The following KLHL32 variants were observed in gnomAD, a reference collection of about 807,000 sequenced individuals.
KLHL32 encodes kelch-like protein 32.
In KLHL32, 35 loss-of-function variants were observed where a neutral mutation model predicts 64.8. The ratio of observed to expected loss-of-function variants is 0.54; its 90% CI spans 0.41 to 0.72. The LOEUF (loss-of-function observed/expected upper bound fraction) is 0.72, where lower values mean the gene tolerates loss of function less well. Ranked by LOEUF, KLHL32 falls within the 30% of genes least tolerant of loss-of-function variation. The pLI, the probability that KLHL32 is intolerant of heterozygous loss-of-function variation, is 0.00. For missense variants in KLHL32, 589 were observed against 768.5 expected, an observed-to-expected ratio of 0.77 and a Z score of 2.76; for synonymous variants, 259 against 281.0, an observed-to-expected ratio of 0.92 and a Z score of 0.78.
rs138198636 is a variant in KLHL32 at position 97,018,676 on chromosome 6, T to C, written c.205-22816T>C. Among the ~76,000 whole-genome samples the C allele has an allele frequency of 9.5e-4, 144 of 152,006 alleles. 2 individuals are homozygous for C. The highest frequency in any genetic ancestry group is 3.3e-3 in the African/African-American group (137 of 41,488). Reference sequence around the variant, plus strand: ...CTCAGAAAAAATATTAGTCAGATGCTAACAAAAACATATGTGTAACAATAT... The same window carrying C: ...CTCAGAAAAAATATTAGTCAGATGCCAACAAAAACATATGTGTAACAATAT... On this transcript the variant is annotated intron_variant, in intron 3 of 10. Transcript: ENST00000369261.
intron 5 of KLHL32, among the ~76,000 whole-genome samples, chr6:97,073,372 G>A (rs1439153648): frequency 1.3e-5 from 2 of 152,160 alleles, no homozygotes; most frequent in Non-Finnish European, 2.9e-5. Context: ...TTCTGCCTCT[G>A]AAATTTGAAA....
intron 5 of KLHL32, among the ~76,000 whole-genome samples, chr6:97,083,509 C>CTCTT (rs1341138147): frequency 6.6e-5 from 10 of 152,178 alleles, no homozygotes; most frequent in African/African-American, 2.4e-4. Flanking sequence ...ACCGCCCTTG[C>CTCTT]TCTTCTCTGC....
At chr6:97,044,847 C>G (rs1341417670) in intron 4 of KLHL32, among the ~76,000 whole-genome samples, 1 of 151,708 alleles carries the variant, frequency 6.6e-6, no homozygotes, top group East Asian at 1.9e-4. Context: ...TCTATGATAT[C>G]TGTTGTAATA....
At chr6:96,959,313 A>G (rs1421913616) in intron 1 of KLHL32, among the ~76,000 whole-genome samples, 1 of 152,182 alleles carries the variant, frequency 6.6e-6, no homozygotes, top group Non-Finnish European at 1.5e-5. Flanking sequence ...GAGCCACAGT[A>G]GCATGGAAGA....
chr6:96,928,574 CA>C (rs1769461199), intron 1 of KLHL32, among the ~76,000 whole-genome samples: 1 of 152,060 alleles, frequency 6.6e-6, no homozygotes, highest in Non-Finnish European at 1.5e-5. Context: ...AGGGACAAAC[CA>C]AGTATTATAT....
chr6:97,012,069 A>C (rs7766446), intron 3 of KLHL32, among the ~76,000 whole-genome samples: 21,767 of 152,140 alleles, frequency 0.14, 2,954 homozygotes, highest in African/African-American at 0.33. Context: ...AGCCTAGGCA[A>C]ACATGCCTCC....
At chr6:97,069,715 C>T (rs892706867) in intron 5 of KLHL32, among the ~76,000 whole-genome samples, 1 of 152,038 alleles carries the variant, frequency 6.6e-6, no homozygotes, top group Non-Finnish European at 1.5e-5. Context: ...TAATTTTTCT[C>T]TGCTTTTTAA....
chr6:97,037,406 A>G (rs1784460224), intron 3 of KLHL32, among the ~76,000 whole-genome samples: 1 of 86,038 alleles, frequency 1.2e-5, no homozygotes, highest in Non-Finnish European at 2.1e-5. Flanking sequence ...TAAAAAAATA[A>G]CATTTGTTAA....
intron 1 of KLHL32, among the ~76,000 whole-genome samples, chr6:96,929,700 T>C (rs1385051886): frequency 3.9e-5 from 6 of 152,224 alleles, no homozygotes; most frequent in Non-Finnish European, 2.9e-5. Flanking sequence ...CTATTTCGTA[T>C]ACACATTGCA....
At chr6:96,903,408 C>T in the KLHL32 span, among the ~76,000 whole-genome samples, 9 of 152,082 alleles carry the variant, frequency 5.9e-5, no homozygotes, top group East Asian at 1.9e-4. Context: ...GAATAGATTA[C>T]GGTCACTCTC....
At chr6:97,128,704 C>G (rs746362478) in intron 8 of KLHL32, among the ~76,000 whole-genome samples, 10 of 152,264 alleles carry the variant, frequency 6.6e-5, no homozygotes, top group Non-Finnish European at 1.5e-4. Flanking sequence ...TGCTTCCCCA[C>G]CACTGATTAG....
At chr6:97,024,038 G>T (rs904923974) in intron 3 of KLHL32, among the ~76,000 whole-genome samples, 8 of 152,156 alleles carry the variant, frequency 5.3e-5, no homozygotes, top group Admixed American at 2.6e-4. Context: ...TTATACTGTT[G>T]TCTGTGAGTA....
At position 97,124,744 on chromosome 6, in the gene KLHL32, C is replaced by T. The variant is rs567950085; in HGVS notation, c.1355-2660C>T. Among the ~76,000 whole-genome samples the T allele has an allele frequency of 1.8e-4, 28 of 152,230 alleles. No homozygotes were observed. The East Asian group carries it at 4.2e-3, about 23-fold the overall frequency. ...GAGAAGTGATTGTAGGCAAGCTGGA[C>T]GTTAATCTGGTGGTTATGGCTCAGA... On this transcript the variant is annotated intron_variant, in intron 7 of 10. Transcript: ENST00000369261.
At chr6:96,942,654 G>GGTGTGTGTGTGTGTGTGT (rs373680196) in intron 1 of KLHL32, among the ~76,000 whole-genome samples, 6 of 144,322 alleles carry the variant, frequency 4.2e-5, no homozygotes, top group African/African-American at 1.3e-4. Context: ...ACAGCTGTGG[G>GGTGTGTGTGTGTGTGTGT]GTGTGTGTGT....
chr6:97,111,723 G>A (rs973062228), intron 6 of KLHL32, among the ~76,000 whole-genome samples: 8 of 152,162 alleles, frequency 5.3e-5, no homozygotes, highest in South Asian at 2.1e-4. Context: ...CTTGTCTGGC[G>A]TTCAGGAGGA....
rs1191823500 is a variant in KLHL32, at chr6:97,127,521, A to T, written c.1413+59A>T. 7 of 1,330,822 alleles carry T rather than the reference A, an allele frequency of 5.3e-6. No homozygotes were observed. In the East Asian group the frequency reaches 1.6e-4, roughly 31 times the overall value. The allele number at this position is 1,330,822 out of a possible 1,614,324, so 82.4% of individuals were successfully genotyped here. A position where few individuals can be genotyped will look rare whatever the true frequency, so the allele number is the denominator to read the frequency against. On this transcript the variant is annotated intron_variant, in intron 8 of 10. Transcript: ENST00000369261. ...ATTAATGAATTTTAAAAGATTCCAG[A>T]GTAATTAGTAATTGGAATGCCAAGT...
intron 4 of KLHL32, among the ~76,000 whole-genome samples, chr6:97,056,002 G>A (rs1398821917): frequency 6.6e-6 from 1 of 151,250 alleles, no homozygotes; most frequent in Non-Finnish European, 1.5e-5. Context: ...AACTGTTCTT[G>A]GCAGTCACAA....
At chr6:97,064,792 C>G in intron 5 of KLHL32, 66 bp downstream of exon 5, 2 of 1,314,264 alleles carry the variant, frequency 1.5e-6, no homozygotes, top group Non-Finnish European at 2.2e-6. Context: ...TAAGCTGGCC[C>G]CCAACAACTG....
At chr6:96,949,547 G>T (rs1379207406) in intron 1 of KLHL32, among the ~76,000 whole-genome samples, 1 of 151,864 alleles carries the variant, frequency 6.6e-6, no homozygotes, top group Admixed American at 6.6e-5. Context: ...TTTTATTTTT[G>T]TAAAAATTGT....
Sources: allele counts gnomAD v4.1 joint callset (sites outside exome capture counted in the v4.1 genomes callset), GRCh38; gene constraint gnomAD v4.1.1; transcripts MANE v1.5; gene names NCBI Gene and HGNC (gene_info 2026-07-23, HGNC 2026-07-21).